CUBN: variants seen among roughly 807,000 people sequenced by gnomAD.
CUBN encodes the protein 460 kDa receptor.
CUBN carries 282 observed loss-of-function variants against 405.3 expected under a neutral mutation model. The observed-to-expected ratio is 0.70, with a 90% CI of 0.63 to 0.77. The LOEUF (loss-of-function observed/expected upper bound fraction) is 0.77. Among genes scored for constraint, CUBN ranks in the 30% least tolerant of loss-of-function variants. CUBN has a pLI of 0.00. For missense variants in CUBN, 4,514 were observed against 4,475.2 expected (o/e 1.01, Z -0.25); for synonymous variants, 1,684 against 1,617.0 (o/e 1.04, Z -0.99).
At chr10:16,894,300 G>T (rs1174157712) in intron 54 of CUBN, among the ~76,000 whole-genome samples, 1 of 151,974 alleles carries the variant, frequency 6.6e-6, no homozygotes, top group East Asian at 1.9e-4. Context: ...TCCAGGTCCT[G>T]AAGACATCTG....
In CUBN at chr10:16,969,446, C is replaced by T. The variant is rs940746077; in HGVS notation, c.4695+13038G>A. Among the ~76,000 whole-genome samples, 7 of 152,078 alleles carry T rather than the reference C, an allele frequency of 4.6e-5. No homozygotes were observed. The East Asian group carries it at 7.7e-4, about 17-fold the overall frequency. The stretch of plus-strand genomic sequence containing the variant: ...CTCAGCTCACTGCAGCCTCCGCCTC[C>T]GGGGTTCAAGTGATTCTCCTGCCTT... On this transcript the variant is annotated intron_variant, in intron 31 of 66. Coordinates refer to ENST00000377833, the MANE Select transcript of CUBN (RefSeq NM_001081.4).
chr10:16,899,229 A>G, intron 53 of CUBN, 46 bp from the exon 54 acceptor site: 1 of 1,503,208 alleles, frequency 6.7e-7, no homozygotes, highest in East Asian at 2.3e-5. Context: ...AAGGAAAGTA[A>G]TTTTGGAAAC....
chr10:17,121,439 C>T (rs144291858), intron 6 of CUBN, among the ~76,000 whole-genome samples: 3,499 of 150,792 alleles, frequency 0.023, 143 homozygotes, highest in African/African-American at 0.078. Flanking sequence ...AGCAAACTAT[C>T]ACAAGGACAA....
At position 16,888,471 on chromosome 10, in the gene CUBN, C is replaced by G. The variant is rs143409222; in HGVS notation, c.8851G>C (p.Glu2951Gln). ...AGGACCACTGACAGAGGATTAGCCT[C>G]TATGACATAGGTGCAATTCATGTTG... ...DNNMNCTYVI[E>Q]ANPLSVVLLT... The change falls in exon 56 of 67, where the codon GAG becomes CAG. Residue 2951 changes from glutamate to glutamine, a missense_variant. Around this residue, in one of 5 missense-constraint regions of CUBN, gnomAD observed 1,186 missense variants for 1,186.9 expected, o/e 1.00. Transcript: ENST00000377833. The G allele has an allele frequency of 1.9e-6, 3 of 1,613,030 alleles. No homozygotes were observed. In the East Asian group the frequency reaches 6.7e-5, roughly 36 times the overall value.
intron 22 of CUBN, among the ~76,000 whole-genome samples, chr10:17,054,331 C>CAA (rs60899709): frequency 0.053 from 6,948 of 130,988 alleles, 246 homozygotes; most frequent in African/African-American, 0.081. Flanking sequence ...AACTCCGTCT[C>CAA]AAAAAAAAAA....
intron 27 of CUBN, among the ~76,000 whole-genome samples, chr10:17,025,629 C>T (rs924749312): frequency 1.3e-5 from 2 of 152,100 alleles, no homozygotes; most frequent in Non-Finnish European, 2.9e-5. Context: ...CCAGAGAAAC[C>T]ACCCAAAATA....
chr10:16,972,305 T>C (rs1043898563), intron 31 of CUBN, among the ~76,000 whole-genome samples: 32 of 152,184 alleles, frequency 2.1e-4, no homozygotes, highest in African/African-American at 7.5e-4. Context: ...TTATCCTCAA[T>C]TGTATATGTC....
chr10:17,119,046 T>A (rs1008013685), intron 6 of CUBN, among the ~76,000 whole-genome samples: 9 of 152,210 alleles, frequency 5.9e-5, no homozygotes, highest in Non-Finnish European at 1.2e-4. Context: ...TGGATAGTCA[T>A]AGTTTAACTT....
intron 48 of CUBN, among the ~76,000 whole-genome samples, chr10:16,908,208 T>G (rs1841611858): frequency 6.6e-6 from 1 of 152,180 alleles, no homozygotes; most frequent in Non-Finnish European, 1.5e-5. Flanking sequence ...TGCAGCGGTG[T>G]GATCTTGGCT....
intron 31 of CUBN, among the ~76,000 whole-genome samples, chr10:16,967,072 G>A (rs79196324): frequency 6.6e-6 from 1 of 152,154 alleles, no homozygotes; most frequent in South Asian, 2.1e-4. Flanking sequence ...GAATGCGGAA[G>A]GAAATGAAAA....
rs1379361226 is a variant in CUBN, at chr10:16,937,667, T to C, written c.5851A>G (p.Ile1951Val). ...LTFHFYSDSS[I>V]SGKGFLLEWF... ...TCCAGAAGGAATCCCTTCCCTGAGA[T>C]TGAAGAGTCGGAGTAAAAATGAAAT... Residue 1951 changes from isoleucine to valine, a missense_variant, in exon 39 of 67, where the codon ATC becomes GTC. By Grantham distance (29) the Ile-to-Val change is conservative. Transcript: ENST00000377833. The C allele has an allele frequency of 2.5e-6, 4 of 1,614,036 alleles. No individual in the cohort carries two copies. Among genetic ancestry groups the C allele is most frequent in the Admixed American group, 3.3e-5 (2 of 60,002 alleles).
chr10:16,980,239 G>A (rs1833224754), intron 31 of CUBN, among the ~76,000 whole-genome samples: 1 of 152,190 alleles, frequency 6.6e-6, no homozygotes, highest in African/African-American at 2.4e-5. Context: ...TTTACTCGTT[G>A]GTGGGAGTGT....
chr10:17,071,018 G>A (rs182813740), intron 19 of CUBN, among the ~76,000 whole-genome samples: 2 of 152,306 alleles, frequency 1.3e-5, no homozygotes, highest in East Asian at 3.9e-4. Context: ...TGTCCATTAT[G>A]AGATTAAGGA....
rs371636377 is a variant in CUBN at position 16,836,354 on chromosome 10, C to G, written c.10061G>C (p.Cys3354Ser). The part of the protein sequence containing the change: ...QGHGNSRFQF[C>S]GRNASAVPVF... Reference sequence around the variant, plus strand: ...TGGCACAGCCGAAGCATTTCTGCCACAGAACTGAAATCTTGAATTTCCGTG... The same window carrying G: ...TGGCACAGCCGAAGCATTTCTGCCAGAGAACTGAAATCTTGAATTTCCGTG... The change falls in exon 63 of 67, where the codon TGT (cysteine) becomes TCT (serine). Residue 3354 changes from cysteine (C) to serine (S), a missense_variant. Physicochemically the swap from Cys to Ser is moderately radical, Grantham distance 112 (BLOSUM62 -1). Transcript: ENST00000377833. 3 of 1,613,992 alleles carry G rather than the reference C, an allele frequency of 1.9e-6. No individual in the cohort carries two copies. In the African/African-American group the frequency reaches 4.0e-5, roughly 22 times the overall value.
chr10:16,837,286 T>C (rs991426506), intron 62 of CUBN, among the ~76,000 whole-genome samples: 1 of 152,002 alleles, frequency 6.6e-6, no homozygotes, highest in African/African-American at 2.4e-5. Flanking sequence ...CCACAGTTCA[T>C]TGAGTGGGAA....
intron 29 of CUBN, among the ~76,000 whole-genome samples, chr10:16,986,073 A>T (rs1833409341): frequency 6.6e-6 from 1 of 152,228 alleles, no homozygotes; most frequent in African/African-American, 2.4e-5. Context: ...CAAATAGAAG[A>T]TGCTGACTCC....
At chr10:16,876,793 C>T in intron 57 of CUBN, 104 bp downstream of exon 57, 1 of 996,718 alleles carries the variant, frequency 1.0e-6, no homozygotes, top group Non-Finnish European at 1.6e-6. Flanking sequence ...CCCTTAAATT[C>T]TCTGAATCTT....
At chr10:17,019,018 C>G (rs1834421860) in intron 28 of CUBN, among the ~76,000 whole-genome samples, 1 of 152,198 alleles carries the variant, frequency 6.6e-6, no homozygotes, top group South Asian at 2.1e-4. Flanking sequence ...AGTTAAGACA[C>G]AGATTACTGG....
chr10:16,937,603 G>A lies in CUBN; in HGVS notation c.5915C>T (p.Thr1972Ile), dbSNP rs2131602384. The A allele has an allele frequency of 2.5e-6, 4 of 1,613,322 alleles. No homozygotes were observed. In the East Asian group the frequency reaches 8.9e-5, roughly 36 times the overall value. ...ATTACCAAACACACCTGGAGCAATG[G>A]TAGGTAAAACACCATCAGGTGCATC... ...AVDAPDGVLP[T>I]IAPGACGGFL... is the part of the protein sequence containing the mutation. Residue 1972 changes from threonine (T) to isoleucine (I), a missense_variant, in exon 39 of 67, where the codon ACC (threonine) becomes ATC (isoleucine). By Grantham distance (89) the Thr-to-Ile change is moderately conservative. Coordinates refer to ENST00000377833, the MANE Select transcript of CUBN (RefSeq NM_001081.4).
Sources: allele counts gnomAD v4.1 joint callset (sites outside exome capture counted in the v4.1 genomes callset), GRCh38; gene constraint gnomAD v4.1.1; regional missense constraint gnomAD v4.1.1; transcripts MANE v1.5; gene names NCBI Gene and HGNC (gene_info 2026-07-23, HGNC 2026-07-21).